ACER1: variants seen among roughly 807,000 people sequenced by gnomAD.
ACER1 encodes CTB-180A7.3.
Under a neutral mutation model 24.9 loss-of-function variants are expected in ACER1, and 28 were observed. The ratio of observed to expected loss-of-function variants is 1.13; its 90% confidence interval spans 0.83 to 1.54. The LOEUF (loss-of-function observed/expected upper bound fraction) is 1.54. Ranked by LOEUF, ACER1 falls within the 40% of genes most tolerant of loss-of-function variation. The probability of loss-of-function intolerance (pLI) is 0.00; values close to 1 mark genes in which losing one functional copy is unlikely to be tolerated. For missense variants in ACER1, 352 were observed against 349.3 expected (o/e 1.01, Z -0.06); for synonymous variants, 132 against 131.4 (o/e 1.00, Z -0.03).
intron 1 of ACER1, among the ~76,000 whole-genome samples, chr19:6,316,158 G>C (rs2091602291): frequency 2.0e-5 from 3 of 152,248 alleles, no homozygotes; most frequent in South Asian, 4.1e-4. Context: ...AATAGGCCAG[G>C]TGTGATGGTT....
chr19:6,312,200 T>G lies in ACER1; in HGVS notation c.299A>C (p.Tyr100Ser), dbSNP rs776478039. The change falls in exon 3 of 6, where the codon TAT (tyrosine) becomes TCT (serine). Residue 100 changes from tyrosine (Y) to serine (S), a missense_variant. Coordinates refer to ENST00000301452, the MANE Select transcript of ACER1 (RefSeq NM_133492.3). ...IAILWLLGSGYSIWMPRCYFP... is the reference protein window; with the variant it reads ...IAILWLLGSGSSIWMPRCYFP... Reference sequence around the variant, plus strand: ...ATAGCAGCGGGGCATCCATATGCTATAGCCACTGCCCAGGAGCCACAGGAT... The same window carrying G: ...ATAGCAGCGGGGCATCCATATGCTAGAGCCACTGCCCAGGAGCCACAGGAT... 26 of 1,613,866 alleles carry G rather than the reference T, an allele frequency of 1.6e-5. No individual in the cohort carries two copies. Among genetic ancestry groups the G allele is most frequent in the Non-Finnish European group, 2.2e-5 (26 of 1,179,912 alleles).
At chr19:6,347,124 A>T in the ACER1 span, among the ~76,000 whole-genome samples, 1 of 141,278 alleles carries the variant, frequency 7.1e-6, no homozygotes. Context: ...ATATATATAT[A>T]TATATATAAA....
intron 1 of ACER1, among the ~76,000 whole-genome samples, chr19:6,316,263 A>C (rs1471342434): frequency 6.6e-6 from 1 of 151,978 alleles, no homozygotes; most frequent in Non-Finnish European, 1.5e-5. Context: ...GTGAGACCCC[A>C]CCTCCATAAA....
upstream of ACER1, among the ~76,000 whole-genome samples, chr19:6,335,023 A>T (rs767934272): frequency 2.8e-5 from 4 of 144,342 alleles, no homozygotes; most frequent in South Asian, 8.5e-4. Context: ...ATAATAATAT[A>T]ATTATTTATT....
chr19:6,342,713 A>C, the ACER1 span, among the ~76,000 whole-genome samples: 4 of 151,958 alleles, frequency 2.6e-5, no homozygotes, highest in Non-Finnish European at 5.9e-5. Flanking sequence ...AGCAAGACTC[A>C]ATCTCAAAAA....
chr19:6,336,395 A>G (rs2091714273), upstream of ACER1, among the ~76,000 whole-genome samples: 1 of 152,212 alleles, frequency 6.6e-6, no homozygotes, highest in African/African-American at 2.4e-5. Flanking sequence ...AGGAAGTGAT[A>G]GAGACAGGCA....
chr19:6,322,800 G>A (rs1055431529), intron 1 of ACER1, among the ~76,000 whole-genome samples: 1 of 152,084 alleles, frequency 6.6e-6, no homozygotes, highest in Non-Finnish European at 1.5e-5. Flanking sequence ...AGTCTCATGA[G>A]ATCTCATGGT....
chr19:6,357,067 T>C, the ACER1 span, among the ~76,000 whole-genome samples: 630 of 141,414 alleles, frequency 4.5e-3, 4 homozygotes, highest in African/African-American at 0.016. Context: ...TTTTTTGAGA[T>C]GGAGTCTCGC....
chr19:6,314,343 G>A (rs1281448905), intron 1 of ACER1, among the ~76,000 whole-genome samples: 1 of 151,546 alleles, frequency 6.6e-6, no homozygotes, highest in East Asian at 1.9e-4. Flanking sequence ...AGTGGTGGGT[G>A]CCTGTAATCC....
chr19:6,327,596 TAAAAA>T (rs2091667591), intron 1 of ACER1, among the ~76,000 whole-genome samples: 2 of 148,674 alleles, frequency 1.3e-5, no homozygotes, highest in African/African-American at 5.0e-5. Flanking sequence ...AATAATAAAA[TAAAAA>T]TAAAATAAAA....
chr19:6,355,440 C>T, the ACER1 span, among the ~76,000 whole-genome samples: 666 of 142,582 alleles, frequency 4.7e-3, 15 homozygotes, highest in Non-Finnish European at 7.7e-3. Flanking sequence ...CCAGCCGCCC[C>T]GTCTGAGAAG....
rs2091698672 is a variant in ACER1, at chr19:6,333,436, CCTT to C, written c.93+20_93+22del. The stretch of plus-strand genomic sequence containing the variant: ...ATTCGAACCGGCATCTGGCGAGACT[CCTT>C]CACACACCCACGCACTCACCGTGTT... On this transcript the variant is annotated intron_variant, in intron 1 of 5. Transcript: ENST00000301452. 2 of 1,548,814 alleles carry C rather than the reference CCTT, an allele frequency of 1.3e-6. No individual in the cohort carries two copies. The highest frequency in any genetic ancestry group is 2.4e-5 in the South Asian group (2 of 84,178).
At chr19:6,333,616 G>A (rs1039552580), upstream of ACER1, 5 of 1,419,218 alleles carry the variant, frequency 3.5e-6, no homozygotes, top group Non-Finnish European at 4.8e-6. Flanking sequence ...TGGGAAGGCT[G>A]GGCCCTGATG....
intron 1 of ACER1, among the ~76,000 whole-genome samples, chr19:6,318,830 A>T (rs1289697255): frequency 9.8e-5 from 1 of 10,192 alleles, no homozygotes; most frequent in African/African-American, 4.3e-4. Context: ...TTCCTAACTC[A>T]TCTCTCTCCA....
At chr19:6,342,997 G>C in the ACER1 span, among the ~76,000 whole-genome samples, 1 of 151,982 alleles carries the variant, frequency 6.6e-6, no homozygotes, top group Non-Finnish European at 1.5e-5. Flanking sequence ...GGCTGGTCTC[G>C]AACTCCCGAC....
intron 1 of ACER1, among the ~76,000 whole-genome samples, chr19:6,322,191 G>A (rs944706737): frequency 5.3e-5 from 8 of 152,036 alleles, no homozygotes; most frequent in Non-Finnish European, 1.0e-4. Context: ...CCTTCCCTGG[G>A]TCAACAAGAT....
chr19:6,308,046 G>A (rs2091560505), intron 4 of ACER1, among the ~76,000 whole-genome samples: 1 of 152,078 alleles, frequency 6.6e-6, no homozygotes, highest in African/African-American at 2.4e-5. Context: ...TTGCGCCACT[G>A]CACGCCAGCC....
chr19:6,332,232 G>T (rs1244957887), intron 1 of ACER1, among the ~76,000 whole-genome samples: 1 of 147,968 alleles, frequency 6.8e-6, no homozygotes, highest in Non-Finnish European at 1.5e-5. Context: ...CTCGCAAAGT[G>T]CTGTGATTAC....
intron 1 of ACER1, among the ~76,000 whole-genome samples, chr19:6,323,473 T>C (rs928138458): frequency 5.9e-5 from 9 of 152,094 alleles, no homozygotes; most frequent in South Asian, 2.1e-4. Context: ...CACAAGCTCT[T>C]TCTCTTTGCC....
Sources: allele counts gnomAD v4.1 joint callset (sites outside exome capture counted in the v4.1 genomes callset), GRCh38; gene constraint gnomAD v4.1.1; transcripts MANE v1.5; gene names NCBI Gene and HGNC (gene_info 2026-07-23, HGNC 2026-07-21).